Variants in SMIM31 observed in about 807,000 individuals in gnomAD.
SMIM31 encodes human epithelial cell program regulator.
At chr4:164,796,418 C>T (rs962357024) in intron 2 of SMIM31, among the ~76,000 whole-genome samples, 4 of 152,172 alleles carry the variant, frequency 2.6e-5, no homozygotes, top group African/African-American at 9.6e-5. Flanking sequence ...TGCTGGAGCG[C>T]CTGGGACTCA....
At chr4:164,798,729 T>C (rs1227967362) in intron 2 of SMIM31, among the ~76,000 whole-genome samples, 2 of 133,026 alleles carry the variant, frequency 1.5e-5, no homozygotes, top group Non-Finnish European at 3.5e-5. Flanking sequence ...GAGGGCATGA[T>C]ATTGTTTGGA....
At chr4:164,798,060 T>C (rs887068685) in intron 2 of SMIM31, among the ~76,000 whole-genome samples, 1 of 152,146 alleles carries the variant, frequency 6.6e-6, no homozygotes, top group African/African-American at 2.4e-5. Flanking sequence ...GCAAAAGACA[T>C]GATTTCATTC....
intron 1 of SMIM31, among the ~76,000 whole-genome samples, chr4:164,757,857 T>C (rs921311121): frequency 6.6e-6 from 1 of 152,146 alleles, no homozygotes; most frequent in African/African-American, 2.4e-5. Context: ...GTATGAGTCC[T>C]CCTACTTTGT....
At position 164,801,366 on chromosome 4, in the gene SMIM31, T is replaced by C. The variant is rs1398695577; in HGVS notation, c.*172T>C. On this transcript the variant is annotated 3_prime_UTR_variant, in exon 3 of 3. Transcript: ENST00000507311. ...CTCAATACTCGGGAAAGGCTTCACA[T>C]TTCTGGGACTCAGCATTATCCAAAA... is the stretch of plus-strand genomic sequence containing the variant. 4 of 385,272 alleles carry C rather than the reference T, an allele frequency of 1.0e-5. No homozygotes were observed. The highest frequency in any genetic ancestry group is 8.3e-5 in the African/African-American group (4 of 48,356). The allele number at this position is 385,272 out of a possible 1,614,324, so 23.9% of individuals were successfully genotyped here.
At chr4:164,786,366 C>T (rs575336624) in intron 2 of SMIM31, among the ~76,000 whole-genome samples, 9 of 152,050 alleles carry the variant, frequency 5.9e-5, no homozygotes, top group Non-Finnish European at 1.3e-4. Context: ...AGTCTGTGTT[C>T]CAGGTGAAAG....
At chr4:164,788,641 C>A (rs1000454554) in intron 2 of SMIM31, among the ~76,000 whole-genome samples, 2 of 151,354 alleles carry the variant, frequency 1.3e-5, no homozygotes, top group Non-Finnish European at 1.5e-5. Context: ...AGGCATGCAC[C>A]ACCACGCCCG....
chr4:164,790,041 C>T (rs1472331075), intron 2 of SMIM31, among the ~76,000 whole-genome samples: 4 of 152,178 alleles, frequency 2.6e-5, no homozygotes, highest in African/African-American at 9.7e-5. Context: ...GTTATGCCTA[C>T]TTCTGTCTCA....
intron 2 of SMIM31, among the ~76,000 whole-genome samples, chr4:164,785,054 T>C (rs1274064151): frequency 6.6e-6 from 1 of 151,790 alleles, no homozygotes; most frequent in Non-Finnish European, 1.5e-5. Context: ...CAAAACCTTG[T>C]CTCTACTAAA....
intron 1 of SMIM31, among the ~76,000 whole-genome samples, chr4:164,757,282 G>C (rs1375734431): frequency 1.3e-5 from 2 of 152,096 alleles, no homozygotes; most frequent in Non-Finnish European, 2.9e-5. Context: ...TTGTTATTGA[G>C]TTGGAGTTTT....
At chr4:164,794,445 C>T (rs568317428) in intron 2 of SMIM31, among the ~76,000 whole-genome samples, 13 of 152,070 alleles carry the variant, frequency 8.5e-5, no homozygotes, top group African/African-American at 3.1e-4. Flanking sequence ...GGGGAAATTT[C>T]CACAATCTTT....
chr4:164,781,537 A>G (rs1296092357), intron 2 of SMIM31, among the ~76,000 whole-genome samples: 3 of 152,198 alleles, frequency 2.0e-5, no homozygotes, highest in Non-Finnish European at 4.4e-5. Context: ...AGTGTTTCTC[A>G]ACCTCATTAT....
At chr4:164,760,857 T>C (rs1480317922) in intron 1 of SMIM31, among the ~76,000 whole-genome samples, 4 of 151,098 alleles carry the variant, frequency 2.6e-5, no homozygotes, top group Non-Finnish European at 5.9e-5. Flanking sequence ...CCTGAACAAC[T>C]AGAAACATGG....
intron 1 of SMIM31, among the ~76,000 whole-genome samples, chr4:164,758,171 A>G (rs1227465691): frequency 1.3e-5 from 2 of 151,782 alleles, no homozygotes; most frequent in Non-Finnish European, 2.9e-5. Flanking sequence ...ATTATGTTTT[A>G]TTTTACAATT....
intron 2 of SMIM31, among the ~76,000 whole-genome samples, chr4:164,783,981 G>T (rs1732995279): frequency 6.6e-6 from 1 of 152,144 alleles, no homozygotes; most frequent in African/African-American, 2.4e-5. Context: ...TACTGCTTTA[G>T]TAACTTGGAA....
intron 2 of SMIM31, among the ~76,000 whole-genome samples, chr4:164,784,223 T>C (rs2110949548): frequency 6.6e-6 from 1 of 152,254 alleles, no homozygotes; most frequent in East Asian, 1.9e-4. Flanking sequence ...AAATATATGA[T>C]TAAGGGGACA....
intron 2 of SMIM31, among the ~76,000 whole-genome samples, chr4:164,796,143 C>A (rs966278185): frequency 1.8e-4 from 28 of 152,156 alleles, no homozygotes; most frequent in African/African-American, 6.8e-4. Flanking sequence ...CCTCAACTAG[C>A]CCATCAGGAG....
chr4:164,782,092 A>G (rs2110946183), intron 2 of SMIM31, among the ~76,000 whole-genome samples: 1 of 152,096 alleles, frequency 6.6e-6, no homozygotes, highest in African/African-American at 2.4e-5. Flanking sequence ...GGAGTTCGAG[A>G]CCAGCCTGAC....
At chr4:164,774,229 T>C (rs1389740073) in intron 2 of SMIM31, among the ~76,000 whole-genome samples, 1 of 151,648 alleles carries the variant, frequency 6.6e-6, no homozygotes, top group Non-Finnish European at 1.5e-5. Flanking sequence ...CCAATACAAC[T>C]TGTATTCACT....
At chr4:164,786,958 G>A (rs1473050307) in intron 2 of SMIM31, among the ~76,000 whole-genome samples, 2 of 152,154 alleles carry the variant, frequency 1.3e-5, no homozygotes, top group African/African-American at 2.4e-5. Context: ...TCTTGGAATT[G>A]CTAATAGAAC....
Sources: allele counts gnomAD v4.1 joint callset (sites outside exome capture counted in the v4.1 genomes callset), GRCh38; gene constraint gnomAD v4.1.1; transcripts MANE v1.5; gene names NCBI Gene and HGNC (gene_info 2026-07-23, HGNC 2026-07-21).